HYDIN: variants seen among roughly 807,000 people sequenced by gnomAD.
HYDIN encodes the protein axonemal central pair apparatus protein HYDIN.
A neutral mutation model predicts 403.9 loss-of-function variants in HYDIN; 132 were observed. The ratio of observed to expected loss-of-function variants is 0.33; its 90% CI spans 0.28 to 0.38. The LOEUF (loss-of-function observed/expected upper bound fraction) is 0.38, where lower values mean the gene tolerates loss of function less well. Among genes scored for constraint, HYDIN ranks in the 10% least tolerant of loss-of-function variants. The pLI is 1.00. For synonymous variants in HYDIN, 1,202 were observed against 1,891.7 expected (o/e 0.64, Z 9.46); for missense variants, 2,827 against 5,009.5 (o/e 0.56, Z 13.15).
At chr16:71,085,764 T>C (rs1226283148) in intron 12 of HYDIN, among the ~76,000 whole-genome samples, 1 of 152,256 alleles carries the variant, frequency 6.6e-6, no homozygotes, top group Non-Finnish European at 1.5e-5. Flanking sequence ...TGATATAACA[T>C]AGACTCTCCA....
intron 10 of HYDIN, chr16:71,113,607 T>G (rs1298030319): frequency 6.5e-6 from 1 of 153,032 alleles, no homozygotes; most frequent in African/African-American, 2.4e-5. Context: ...TTTTTTTTTT[T>G]TTTTGAGACA....
rs2041249096 is a variant in HYDIN, at chr16:71,230,693, G to C, written c.-155C>G. 1 of 1,536,030 alleles carries C rather than the reference G, an allele frequency of 6.5e-7. No homozygotes were observed. The highest frequency in any genetic ancestry group is 8.7e-7 in the Non-Finnish European group (1 of 1,146,878). On this transcript the variant is annotated 5_prime_UTR_variant, in exon 1 of 86. Coordinates refer to ENST00000393567, the MANE Select transcript of HYDIN (RefSeq NM_001270974.2). ...AAGCCGCCCGCACTCTCCATGCGCC[G>C]CCCGAGCTGTTGCCGTCCGTTGCCA...
At chr16:70,888,824 G>A (rs1042129640) in intron 58 of HYDIN, among the ~76,000 whole-genome samples, 33 of 152,364 alleles carry the variant, frequency 2.2e-4, no homozygotes, top group African/African-American at 7.5e-4. Flanking sequence ...CAGAGGTGGC[G>A]TGGGACCAAA....
intron 2 of HYDIN, among the ~76,000 whole-genome samples, chr16:71,185,216 T>C (rs553369799): frequency 6.6e-6 from 1 of 152,268 alleles, no homozygotes; most frequent in East Asian, 1.9e-4. Flanking sequence ...GTGTTTGCTG[T>C]TTCCTTATGA....
At chr16:71,185,794 A>G (rs1188946859) in intron 2 of HYDIN, among the ~76,000 whole-genome samples, 1 of 152,212 alleles carries the variant, frequency 6.6e-6, no homozygotes, top group African/African-American at 2.4e-5. Flanking sequence ...CAGCTACACA[A>G]TGCTCAAGTA....
intron 5 of HYDIN, among the ~76,000 whole-genome samples, chr16:71,172,615 C>T (rs1162963920): frequency 6.6e-6 from 1 of 152,088 alleles, no homozygotes; most frequent in African/African-American, 2.4e-5. Flanking sequence ...CAAGTTCCAT[C>T]CCTAGGCAGC....
chr16:71,052,644 A>G (rs1202810532), intron 18 of HYDIN, among the ~76,000 whole-genome samples: 3 of 111,270 alleles, frequency 2.7e-5, no homozygotes. Flanking sequence ...TGAACCCAAG[A>G]GTTTGAGACC....
intron 1 of HYDIN, among the ~76,000 whole-genome samples, chr16:71,226,159 T>C (rs1341100434): frequency 6.6e-6 from 1 of 152,232 alleles, no homozygotes; most frequent in East Asian, 1.9e-4. Flanking sequence ...GATTTCAAAA[T>C]TCACTGTAAA....
intron 13 of HYDIN, among the ~76,000 whole-genome samples, chr16:71,070,867 T>C (rs866792723): frequency 1.5e-4 from 21 of 138,424 alleles, no homozygotes; most frequent in Middle Eastern, 3.7e-3. Flanking sequence ...AGCTTTTGTC[T>C]ACACATTAGG....
chr16:70,986,490 A>T (rs1448122436), intron 27 of HYDIN, among the ~76,000 whole-genome samples: 1 of 152,216 alleles, frequency 6.6e-6, no homozygotes, highest in African/African-American at 2.4e-5. Context: ...TGCTGGGTGA[A>T]TCAGATTTTA....
chr16:71,201,794 T>A (rs2144707601), intron 1 of HYDIN, among the ~76,000 whole-genome samples: 1 of 152,328 alleles, frequency 6.6e-6, no homozygotes, highest in Admixed American at 6.5e-5. Flanking sequence ...AACTTCTGAG[T>A]CATCTGAGCC....
intron 8 of HYDIN, among the ~76,000 whole-genome samples, 177 bp downstream of exon 8, chr16:71,136,974 A>G (rs1276280541): frequency 6.7e-6 from 1 of 149,230 alleles, no homozygotes; most frequent in Non-Finnish European, 1.5e-5. Context: ...AGCTCAGCTC[A>G]GATCGTTCAA....
chr16:70,901,925 T>C (rs1002166837), intron 52 of HYDIN, among the ~76,000 whole-genome samples: 1 of 152,218 alleles, frequency 6.6e-6, no homozygotes, highest in African/African-American at 2.4e-5. Flanking sequence ...CTTTCATGTG[T>C]GGGTGCTGAA....
At chr16:71,058,370 A>C (rs2081969291) in intron 18 of HYDIN, among the ~76,000 whole-genome samples, 1 of 139,592 alleles carries the variant, frequency 7.2e-6, no homozygotes, top group Non-Finnish European at 1.6e-5. Flanking sequence ...ACATATTCTC[A>C]CTCATAGGTG....
intron 1 of HYDIN, among the ~76,000 whole-genome samples, chr16:71,200,355 C>A (rs2087932405): frequency 6.6e-6 from 1 of 152,138 alleles, no homozygotes; most frequent in Non-Finnish European, 1.5e-5. Context: ...ATCCCAGAAC[C>A]CTCTCTTGGG....
chr16:70,905,632 TAAAAAAA>T (rs10718035), intron 50 of HYDIN, among the ~76,000 whole-genome samples: 4 of 99,544 alleles, frequency 4.0e-5, no homozygotes, highest in South Asian at 3.2e-4. Context: ...GACCCTATCT[TAAAAAAA>T]AAAAAAAAAA....
intron 6 of HYDIN, among the ~76,000 whole-genome samples, chr16:71,153,191 T>G (rs551497001): frequency 6.6e-6 from 1 of 152,274 alleles, no homozygotes; most frequent in East Asian, 1.9e-4. Flanking sequence ...ATTGTCATTT[T>G]CAAAAGAACA....
At chr16:71,149,773 C>T (rs1359404123) in intron 7 of HYDIN, among the ~76,000 whole-genome samples, 1 of 152,158 alleles carries the variant, frequency 6.6e-6, no homozygotes, top group African/African-American at 2.4e-5. Context: ...AGCAATGCTC[C>T]TGCTGTAGCC....
intron 22 of HYDIN, 55 bp downstream of exon 22, chr16:71,020,119 A>G: frequency 1.3e-6 from 2 of 1,582,010 alleles, no homozygotes; most frequent in Non-Finnish European, 1.7e-6. Context: ...CTCTTCCTTT[A>G]TCACACCCCG....
Sources: allele counts gnomAD v4.1 joint callset (sites outside exome capture counted in the v4.1 genomes callset), GRCh38; gene constraint gnomAD v4.1.1; transcripts MANE v1.5; gene names NCBI Gene and HGNC (gene_info 2026-07-23, HGNC 2026-07-21).